ADGRG2: variants seen among roughly 807,000 people sequenced by gnomAD.
ADGRG2 encodes G protein-coupled receptor 64.
Under a neutral mutation model 74.1 loss-of-function variants are expected in ADGRG2, and 26 were observed. The ratio of observed to expected loss-of-function variants is 0.35; its 90% CI spans 0.26 to 0.49. ADGRG2 has a LOEUF of 0.49. Ranked by LOEUF, ADGRG2 falls within the 20% of genes least tolerant of loss-of-function variation. The pLI, the probability that ADGRG2 is intolerant of heterozygous loss-of-function variation, is 0.99. For synonymous variants in ADGRG2, 296 were observed against 295.2 expected, an observed-to-expected ratio of 1.00 and a Z score of -0.03; for missense variants, 619 against 763.1, an observed-to-expected ratio of 0.81 and a Z score of 2.22.
intron 8 of ADGRG2, chrX:19,032,012 T>G (rs1393900523): frequency 8.9e-6 from 1 of 112,460 alleles, no homozygotes; most frequent in Non-Finnish European, 1.9e-5. Context: ...TCTTGTTTGG[T>G]CAGAATTATG....
intron 1 of ADGRG2, among the ~76,000 whole-genome samples, chrX:19,086,354 A>G (rs2061936134): frequency 8.9e-6 from 1 of 111,847 alleles, no homozygotes; most frequent in Non-Finnish European, 1.9e-5. Flanking sequence ...ACCACTTGCT[A>G]GGATTCATGA....
At chrX:19,106,660 T>C (rs927199675) in intron 1 of ADGRG2, among the ~76,000 whole-genome samples, 1 of 111,352 alleles carries the variant, frequency 9.0e-6, no homozygotes, top group African/African-American at 3.3e-5. Flanking sequence ...GGCTCACGCC[T>C]GTAATCCCAG....
chrX:19,015,749 T>C (rs751971191), intron 15 of ADGRG2, among the ~76,000 whole-genome samples: 14 of 111,325 alleles, frequency 1.3e-4, no homozygotes, highest in Non-Finnish European at 2.6e-4. Flanking sequence ...ACAAACAACC[T>C]TCACTAGGGC....
chrX:19,035,313 A>G (rs187727457), intron 7 of ADGRG2: 2 of 112,591 alleles, frequency 1.8e-5, no homozygotes, highest in Non-Finnish European at 3.8e-5. Flanking sequence ...TCTTACAGAA[A>G]TAAGAAATGA....
chrX:19,072,980 C>T (rs2061677384), intron 2 of ADGRG2, among the ~76,000 whole-genome samples: 2 of 111,766 alleles, frequency 1.8e-5, no homozygotes, highest in Non-Finnish European at 3.8e-5. Flanking sequence ...AGTTTGGATA[C>T]GTGTCCCCAT....
intron 3 of ADGRG2, among the ~76,000 whole-genome samples, chrX:19,043,495 C>T (rs1225898427): frequency 8.9e-6 from 1 of 112,109 alleles, no homozygotes; most frequent in Non-Finnish European, 1.9e-5. Flanking sequence ...TCAGATTTTC[C>T]TTTGGAACCT....
At chrX:18,992,013 T>C (rs1792518718) in intron 28 of ADGRG2, among the ~76,000 whole-genome samples, 1 of 111,078 alleles carries the variant, frequency 9.0e-6, no homozygotes, top group Non-Finnish European at 1.9e-5. Context: ...AGTAATGGAG[T>C]TGACGTGTGA....
intron 2 of ADGRG2, among the ~76,000 whole-genome samples, chrX:19,082,072 C>CAAAAAAAAAAAAAAAAAA (rs57534658): frequency 9.4e-5 from 2 of 21,206 alleles, no homozygotes; most frequent in Non-Finnish European, 1.8e-4. Flanking sequence ...GACCCTGTCT[C>CAAAAAAAAAAAAAAAAAA]AAAAAAAAAA....
intron 3 of ADGRG2, among the ~76,000 whole-genome samples, chrX:19,062,693 A>G (rs1334298342): frequency 9.0e-6 from 1 of 111,182 alleles, no homozygotes; most frequent in Non-Finnish European, 1.9e-5. Context: ...CTTCCTCGCA[A>G]GGAAGACCAA....
chrX:19,074,396 T>C (rs750085271), intron 2 of ADGRG2, among the ~76,000 whole-genome samples: 10 of 106,610 alleles, frequency 9.4e-5, no homozygotes, highest in Admixed American at 6.1e-4. Flanking sequence ...TGTACCACCA[T>C]GCCTGGCTAA....
At chrX:19,049,455 T>TTTTTTTTTTTTTTTTTG (rs1328733136) in intron 3 of ADGRG2, among the ~76,000 whole-genome samples, 16 of 90,973 alleles carry the variant, frequency 1.8e-4, no homozygotes, top group African/African-American at 4.8e-4. Context: ...TTTTTTTTTT[T>TTTTTTTTTTTTTTTTTG]TTGTTGTTGT....
At chrX:19,065,563 A>G (rs1227038506) in intron 3 of ADGRG2, among the ~76,000 whole-genome samples, 1 of 111,727 alleles carries the variant, frequency 9.0e-6, no homozygotes, top group Non-Finnish European at 1.9e-5. Context: ...TGGCATTTTA[A>G]AACATAATTT....
Position 18,989,942 on chromosome X carries a change from T to A in ADGRG2, c.*922A>T, listed in dbSNP as rs1456297773. On this transcript the variant is annotated 3_prime_UTR_variant, in exon 29 of 29. Transcript: ENST00000379869. ...CAATTTTCCTGACACATGGTCTGGA[T>A]GACAGTTCATCCCTCTCTGTGGCCA... 4 of 112,616 alleles carry A rather than the reference T, an allele frequency of 3.6e-5. No individual in the cohort carries two copies. In the Admixed American group the frequency reaches 3.8e-4, roughly 11 times the overall value. 9.3% of individuals were successfully genotyped at this position (112,616 alleles called of 1,213,427 possible).
intron 1 of ADGRG2, among the ~76,000 whole-genome samples, chrX:19,121,432 T>C (rs780787369): frequency 5.4e-5 from 6 of 111,686 alleles, no homozygotes; most frequent in Non-Finnish European, 9.4e-5. Context: ...TTGGCCTTTA[T>C]AGTAGCAAGT....
chrX:19,077,096 G>A (rs2061760637), intron 2 of ADGRG2, among the ~76,000 whole-genome samples: 1 of 110,994 alleles, frequency 9.0e-6, no homozygotes, highest in Non-Finnish European at 1.9e-5. Flanking sequence ...CTAACTAGTG[G>A]AGGAGGAAAA....
intron 3 of ADGRG2, among the ~76,000 whole-genome samples, chrX:19,060,213 C>T (rs2061467589): frequency 8.9e-6 from 1 of 112,486 alleles, no homozygotes; most frequent in Admixed American, 9.4e-5. Flanking sequence ...AGGACAGCAA[C>T]GATAACTTGG....
chrX:19,060,247 C>G (rs960386435), intron 3 of ADGRG2, among the ~76,000 whole-genome samples: 5 of 112,881 alleles, frequency 4.4e-5, no homozygotes, highest in Admixed American at 3.7e-4. Flanking sequence ...CGGCAAGAGC[C>G]ACTTCTAGAG....
chrX:19,037,369 C>G, intron 6 of ADGRG2, 98 bp downstream of exon 6: 1 of 644,351 alleles, frequency 1.6e-6, no homozygotes, highest in South Asian at 3.0e-5. Context: ...TCGACGTATT[C>G]AGAAATAATT....
At chrX:19,069,738 G>C (rs1157982208) in intron 2 of ADGRG2, among the ~76,000 whole-genome samples, 5 of 110,879 alleles carry the variant, frequency 4.5e-5, no homozygotes, top group Non-Finnish European at 7.6e-5. Context: ...GAACTCCAGG[G>C]GAAGACCACC....
Sources: gnomAD v4.1 joint callset for allele counts (sites outside exome capture counted in the v4.1 genomes callset) on GRCh38, gnomAD v4.1.1 for gene constraint, MANE v1.5 for transcripts, NCBI Gene and HGNC (gene_info 2026-07-23, HGNC 2026-07-21) for gene names.